Variants in PRSS33 observed in about 807,000 individuals in gnomAD.
PRSS33 encodes the protein protease, serine 33.
Under a neutral mutation model 26.7 loss-of-function variants are expected in PRSS33, and 32 were observed. The observed-to-expected ratio is 1.20, with a 90% CI of 0.90 to 1.61. PRSS33 has a LOEUF of 1.61. Among genes scored for constraint, PRSS33 ranks in the 40% most tolerant of loss-of-function variants. The probability of loss-of-function intolerance (pLI) is 0.00; values close to 1 mark genes in which losing one functional copy is unlikely to be tolerated. For missense variants in PRSS33, 450 were observed against 396.3 expected (o/e 1.14, Z -1.15); for synonymous variants, 192 against 177.6 (o/e 1.08, Z -0.64).
Position 2,784,622 on chromosome 16 carries a change from A to G in PRSS33, c.*22T>C. The G allele has an allele frequency of 1.3e-6, 2 of 1,557,524 alleles. No individual in the cohort carries two copies. The highest frequency in any genetic ancestry group is 1.8e-5 in the Admixed American group (1 of 54,426). Reference sequence around the variant, plus strand: ...CTGAGGGACCCCAGCAGCTGGCTCCAGGTCAGCCTCACCGGCTAGCATTAG... The same window carrying G: ...CTGAGGGACCCCAGCAGCTGGCTCCGGGTCAGCCTCACCGGCTAGCATTAG... On this transcript the variant is annotated 3_prime_UTR_variant, in exon 7 of 7. Coordinates refer to ENST00000682474, the MANE Select transcript of PRSS33 (RefSeq NM_152891.3).
chr16:2,786,762 C>G, intron 1 of PRSS33, 158 bp from the exon 2 acceptor site: 1 of 555,488 alleles, frequency 1.8e-6, no homozygotes, highest in Non-Finnish European at 3.2e-6. Context: ...TCGTTCTGCC[C>G]AGGGCCCAGG....
In PRSS33 at chr16:2,784,790, C is replaced by T; in HGVS notation, c.697G>A (p.Gly233Arg). The change falls in exon 7 of 7, where the codon GGA (glycine) becomes AGA (arginine). Residue 233 changes from glycine to arginine, a missense_variant. Transcript: ENST00000682474. ...CCAGACTGCAGGCAGGTCAGAGGTC[C>T]CCCAGAATCACCCTGCAGGAGAAAG... ...HKDACQGDSG[G>R]PLTCLQSGSW... 1 of 1,607,154 alleles carries T rather than the reference C, an allele frequency of 6.2e-7. No homozygotes were observed. The highest frequency in any genetic ancestry group is 1.7e-5 in the Admixed American group (1 of 59,356).
At chr16:2,784,970 G>A (rs1282031254) in intron 6 of PRSS33, 32 bp downstream of exon 6, 2 of 1,590,176 alleles carry the variant, frequency 1.3e-6, no homozygotes, top group South Asian at 2.3e-5. Flanking sequence ...ACAGGGAGGG[G>A]ACTCCGGAGG....
In PRSS33 at chr16:2,784,723, C is replaced by A; in HGVS notation, c.764G>T (p.Cys255Phe). 3 of 1,606,984 alleles carry A rather than the reference C, an allele frequency of 1.9e-6. No individual in the cohort carries two copies. Among genetic ancestry groups the A allele is most frequent in the Non-Finnish European group, 2.5e-6 (3 of 1,176,980 alleles). ...GACCCCTGGACGGTTGGGCAGGGCA[C>A]AACCCTTGCCCCAGCTCACCACGCC... ...LVGVVSWGKG[C>F]ALPNRPGVYT... is the part of the protein sequence containing the mutation. The change falls in exon 7 of 7, where the codon TGT (cysteine) becomes TTT (phenylalanine). Residue 255 changes from cysteine to phenylalanine, a missense_variant. Transcript: ENST00000682474.
intron 2 of PRSS33, among the ~76,000 whole-genome samples, 159 bp from the exon 3 acceptor site, chr16:2,786,280 G>A (rs1282428647): frequency 6.6e-6 from 1 of 152,190 alleles, no homozygotes; most frequent in Non-Finnish European, 1.5e-5. Flanking sequence ...CCTCCCCAGA[G>A]CACTGTGAAG....
At position 2,785,022 on chromosome 16, in the gene PRSS33, C is replaced by A. The variant is rs1396995239; in HGVS notation, c.664G>T (p.Gly222Cys). ...CACACCTGGCAGGCGTCCTTGTGGCCCTGGGGGTAGCCGGCACACAGACTC... is the reference window on the plus strand; with the variant it reads ...CACACCTGGCAGGCGTCCTTGTGGCACTGGGGGTAGCCGGCACACAGACTC... The part of the protein sequence containing the change: ...PGSLCAGYPQ[G>C]HKDACQGDSG... The change falls in exon 6 of 7, where the codon GGC becomes TGC. Residue 222 changes from glycine (G) to cysteine (C), a missense_variant. Physicochemically the swap from Gly to Cys is radical, Grantham distance 159 (BLOSUM62 -3). Transcript: ENST00000682474. 1.9e-6 allele frequency: 3 copies of A among 1,595,492 alleles called. No individual in the cohort carries two copies. In the African/African-American group the frequency reaches 4.0e-5, roughly 21 times the overall value.
chr16:2,786,245 C>T (rs933815054), intron 2 of PRSS33, 124 bp from the exon 3 acceptor site: 10 of 993,020 alleles, frequency 1.0e-5, no homozygotes, highest in African/African-American at 6.4e-5. Context: ...GCCAGGCTTT[C>T]GTGCCGTCTG....
At position 2,785,849 on chromosome 16, in the gene PRSS33, C is replaced by T. The variant is rs2068867796; in HGVS notation, c.192G>A (p.Gly64=). Residue 64 remains glycine (G), a synonymous_variant, in exon 4 of 7, where the codon GGG becomes GGA. Transcript: ENST00000682474. ...IQHRGAHVCG[G]SLIAPQWVLT... is the part of the protein sequence containing the mutation. ...GCACCCACTGGGGGGCGATGAGCGACCCCCCGCACACGTGTGCCCCACGAT... is the reference window on the plus strand; with the variant it reads ...GCACCCACTGGGGGGCGATGAGCGATCCCCCGCACACGTGTGCCCCACGAT... The T allele has an allele frequency of 1.3e-5, 21 of 1,607,448 alleles. No individual in the cohort carries two copies. Among genetic ancestry groups the T allele is most frequent in the Admixed American group, 1.7e-5 (1 of 59,688 alleles).
intron 2 of PRSS33, 134 bp from the exon 3 acceptor site, chr16:2,786,255 G>A (rs2068873304): frequency 1.0e-6 from 1 of 956,758 alleles, no homozygotes; most frequent in Non-Finnish European, 1.7e-6. Flanking sequence ...CGTGCCGTCT[G>A]TTATCTTATT....
chr16:2,785,449 A>G lies in PRSS33; in HGVS notation c.440T>C (p.Leu147Pro). The change falls in exon 5 of 7, where the codon CTG (leucine) becomes CCG (proline). Residue 147 changes from leucine (L) to proline (P), a missense_variant. Physicochemically the swap from Leu to Pro is moderately conservative, Grantham distance 98. Transcript: ENST00000682474. The stretch of plus-strand genomic sequence containing the variant: ...CGGCGGGCGGGCGCCGGGCACGGGC[A>G]GGCAGACGGGTTGGACGCGAGCGCT... ...PLSARVQPVC[L>P]PVPGARPPPG... The G allele has an allele frequency of 6.7e-7, 1 of 1,499,844 alleles. No individual in the cohort carries two copies. Among genetic ancestry groups the G allele is most frequent in the Non-Finnish European group, 8.8e-7 (1 of 1,134,360 alleles). 92.9% of individuals were successfully genotyped at this position (1,499,844 alleles called of 1,614,324 possible).
chr16:2,785,272 C>G (rs1488071171), intron 5 of PRSS33, 101 bp from the exon 6 acceptor site: 2 of 1,447,636 alleles, frequency 1.4e-6, no homozygotes, highest in Admixed American at 2.3e-5. Flanking sequence ...CTAGAAGCCG[C>G]GCTGGGTCCT....
Position 2,784,608 on chromosome 16 carries a change from C to T in PRSS33, c.*36G>A, listed in dbSNP as rs773445886. On this transcript the variant is annotated 3_prime_UTR_variant, in exon 7 of 7. Transcript: ENST00000682474. ...GATGAACCAGGAGGCTGAGGGACCC[C>T]AGCAGCTGGCTCCAGGTCAGCCTCA... The T allele has an allele frequency of 1.6e-5, 25 of 1,537,000 alleles. No homozygotes were observed. The highest frequency in any genetic ancestry group is 1.9e-5 in the Non-Finnish European group (22 of 1,137,212).
chr16:2,786,647 G>C (rs1045231151), intron 1 of PRSS33, 43 bp from the exon 2 acceptor site: 4 of 1,365,558 alleles, frequency 2.9e-6, no homozygotes, highest in South Asian at 2.5e-5. Flanking sequence ...TGGCCCAGGG[G>C]CACCAATCCT....
intron 2 of PRSS33, among the ~76,000 whole-genome samples, 184 bp from the exon 3 acceptor site, chr16:2,786,305 G>A (rs948937315): frequency 6.6e-6 from 1 of 152,178 alleles, no homozygotes. Flanking sequence ...AGGGGGCAAG[G>A]GCGTATGAGC....
Position 2,785,035 on chromosome 16 carries a change from G to A in PRSS33, c.651C>T (p.Ala217=). 7.5e-6 allele frequency: 12 copies of A among 1,591,900 alleles called. No individual in the cohort carries two copies. Among genetic ancestry groups the A allele is most frequent in the Non-Finnish European group, 1.0e-5 (12 of 1,171,862 alleles). Reference sequence around the variant, plus strand: ...CGTCCTTGTGGCCCTGGGGGTAGCCGGCACACAGACTCCCAGGCAGCACAA... The same window carrying A: ...CGTCCTTGTGGCCCTGGGGGTAGCCAGCACACAGACTCCCAGGCAGCACAA... ...ERIVLPGSLC[A]GYPQGHKDAC... Residue 217 remains alanine (A), a synonymous_variant, in exon 6 of 7, where the codon GCC becomes GCT. Transcript: ENST00000682474.
Position 2,784,435 on chromosome 16 carries a change from C to T in PRSS33, c.*209G>A. ...GACTCCCTGGGACTCATGGCAGATT[C>T]CTGGATGAGGGTTGGTGGAGTCAGA... is the stretch of plus-strand genomic sequence containing the variant. On this transcript the variant is annotated 3_prime_UTR_variant, in exon 7 of 7. Transcript: ENST00000682474. 1 of 503,634 alleles carries T rather than the reference C, an allele frequency of 2.0e-6. No individual in the cohort carries two copies. The highest frequency in any genetic ancestry group is 2.7e-5 in the South Asian group (1 of 36,870). 31.2% of individuals were successfully genotyped at this position (503,634 alleles called of 1,614,324 possible).
rs1355695706 is a variant in PRSS33 at position 2,785,150 on chromosome 16, G to T, written c.536C>A (p.Pro179Gln). 1 of 1,541,112 alleles carries T rather than the reference G, an allele frequency of 6.5e-7. No homozygotes were observed. The highest frequency in any genetic ancestry group is 8.7e-7 in the Non-Finnish European group (1 of 1,146,556). Residue 179 changes from proline to glutamine, a missense_variant, in exon 6 of 7, where the codon CCG becomes CAG. By Grantham distance (76) the Pro-to-Gln change is moderately conservative (BLOSUM62 -1). Coordinates refer to ENST00000682474, the MANE Select transcript of PRSS33 (RefSeq NM_152891.3). ...RPGVPLPEWR[P>Q]LQGVRVPLLD... ...CAGCGGCACCCTTACTCCTTGTAGC[G>T]GTCGCCACTCTGGGAGGGGCACTGG...
chr16:2,784,484 G>C lies in PRSS33; in HGVS notation c.*160C>G. The C allele has an allele frequency of 1.8e-6, 1 of 570,672 alleles. No homozygotes were observed. The highest frequency in any genetic ancestry group is 3.0e-6 in the Non-Finnish European group (1 of 335,050). 35.4% of individuals were successfully genotyped at this position (570,672 alleles called of 1,614,324 possible). ...GAGCTGGTGATCCCCAAAGAGGAGA[G>C]GAGGCAGGAGGTGGTGGGTGGGGGG... is the stretch of plus-strand genomic sequence containing the variant. On this transcript the variant is annotated 3_prime_UTR_variant, in exon 7 of 7. Coordinates refer to ENST00000682474, the MANE Select transcript of PRSS33 (RefSeq NM_152891.3).
In PRSS33 at chr16:2,785,894, C is replaced by T; in HGVS notation, c.147G>A (p.Pro49=). 1.2e-6 allele frequency: 2 copies of T among 1,611,130 alleles called. No individual in the cohort carries two copies. Among genetic ancestry groups the T allele is most frequent in the Non-Finnish European group, 1.7e-6 (2 of 1,179,386 alleles). ...GGRDGRDGEW[P]WQASIQHRGA... is the part of the protein sequence containing the mutation. ...CACGATGCTGGATGCTCGCCTGCCACGGCCACTCTCCGTCCCGGCCATCCC... is the reference window on the plus strand; with the variant it reads ...CACGATGCTGGATGCTCGCCTGCCATGGCCACTCTCCGTCCCGGCCATCCC... Residue 49 remains proline, a synonymous_variant, in exon 4 of 7, where the codon CCG becomes CCA. Transcript: ENST00000682474.
Sources: allele counts gnomAD v4.1 joint callset (sites outside exome capture counted in the v4.1 genomes callset), GRCh38; gene constraint gnomAD v4.1.1; transcripts MANE v1.5; gene names NCBI Gene and HGNC (gene_info 2026-07-23, HGNC 2026-07-21).